Variants in ELFN2 observed in about 807,000 individuals in gnomAD.
ELFN2 encodes the protein extracellular leucine rich repeat and fibronectin type III domain containing 2.
In ELFN2, 17 loss-of-function variants were observed where a neutral mutation model predicts 45.5. The ratio of observed to expected loss-of-function variants is 0.37; its 90% CI spans 0.26 to 0.56. ELFN2 has a LOEUF of 0.56. Among genes scored for constraint, ELFN2 ranks in the 20% least tolerant of loss-of-function variants. The pLI, the probability that ELFN2 is intolerant of heterozygous loss-of-function variation, is 0.77. For missense variants in ELFN2, 922 were observed against 1,183.2 expected, an observed-to-expected ratio of 0.78 and a Z score of 3.24; for synonymous variants, 550 against 551.5, an observed-to-expected ratio of 1.00 and a Z score of 0.04.
downstream of ELFN2, among the ~76,000 whole-genome samples, chr22:37,364,271 G>A (rs1465704131): frequency 2.0e-5 from 3 of 152,204 alleles, no homozygotes; most frequent in South Asian, 4.1e-4. Flanking sequence ...GGGTGGTGGC[G>A]GCAGCAAGGG....
intron 2 of ELFN2, among the ~76,000 whole-genome samples, chr22:37,411,589 G>GA (rs1310957530): frequency 6.8e-3 from 1 of 146 alleles, no homozygotes; most frequent in African/African-American, 0.02. Flanking sequence ...GCGGAGGCAG[G>GA]AAGGGCAACA....
At chr22:37,388,937 G>T (rs1932024201) in intron 2 of ELFN2, among the ~76,000 whole-genome samples, 1 of 152,214 alleles carries the variant, frequency 6.6e-6, no homozygotes, top group South Asian at 2.1e-4. Flanking sequence ...GGCTTCGTGG[G>T]GGGCGTCCCC....
chr22:37,351,155 C>G (rs1019241502), intron 1 of ELFN2, among the ~76,000 whole-genome samples: 1 of 149,756 alleles, frequency 6.7e-6, no homozygotes, highest in East Asian at 1.9e-4. Context: ...CTCCTCCCTC[C>G]TCTCCTCCTT....
intron 1 of ELFN2, chr22:37,353,372 T>G (rs1930870028): frequency 6.6e-6 from 1 of 151,070 alleles, no homozygotes; most frequent in African/African-American, 2.4e-5. Context: ...TTTTTCAGCC[T>G]GTAGCTTATT....
In ELFN2 at chr22:37,375,835, TCCC is replaced by T. The variant is rs1931565207; in HGVS notation, c.-304_-302del. ...AGGGTTCTCAGGGCTTGACTTCCTC[TCCC>T]TCCTCCTCCTCCTCCTCCTCCTCCT... On this transcript the variant is annotated 5_prime_UTR_variant, in exon 3 of 3. Coordinates refer to ENST00000402918, the MANE Select transcript of ELFN2 (RefSeq NM_052906.5). 5.2e-6 allele frequency: 2 copies of T among 385,354 alleles called. No individual in the cohort carries two copies. Among genetic ancestry groups the T allele is most frequent in the Non-Finnish European group, 9.3e-6 (2 of 215,078 alleles). The allele number at this position is 385,354 out of a possible 1,614,324, so 23.9% of individuals were successfully genotyped here.
intron 2 of ELFN2, among the ~76,000 whole-genome samples, chr22:37,416,422 C>T (rs915179192): frequency 2.0e-5 from 3 of 152,174 alleles, no homozygotes; most frequent in Non-Finnish European, 4.4e-5. Flanking sequence ...CCCCAGAGAA[C>T]GGCACTGGGT....
intron 2 of ELFN2, among the ~76,000 whole-genome samples, chr22:37,402,168 T>C (rs1932379755): frequency 1.3e-5 from 2 of 152,224 alleles, no homozygotes; most frequent in African/African-American, 4.8e-5. Flanking sequence ...GTAAAGTGCT[T>C]AGTTGTCTCT....
chr22:37,387,761 A>C (rs575927233), intron 2 of ELFN2, among the ~76,000 whole-genome samples: 1 of 151,740 alleles, frequency 6.6e-6, no homozygotes, highest in African/African-American at 2.4e-5. Context: ...GTCCCTGCTC[A>C]CTGCCTCTCT....
intron 2 of ELFN2, among the ~76,000 whole-genome samples, chr22:37,402,020 TC>T (rs1362443488): frequency 6.6e-6 from 1 of 152,048 alleles, no homozygotes; most frequent in African/African-American, 2.4e-5. Context: ...TGAGCCCTGC[TC>T]CCTCCTCCAC....
intron 1 of ELFN2, among the ~76,000 whole-genome samples, chr22:37,344,291 C>T (rs1930643423): frequency 6.6e-6 from 1 of 151,478 alleles, no homozygotes; most frequent in Non-Finnish European, 1.5e-5. Context: ...AACCCTCCCA[C>T]AGCCCAGTCA....
At chr22:37,349,959 C>T (rs1054521666) in intron 1 of ELFN2, among the ~76,000 whole-genome samples, 1 of 150,992 alleles carries the variant, frequency 6.6e-6, no homozygotes. Context: ...CTGAGGGATG[C>T]TCCCCATGAG....
intron 2 of ELFN2, among the ~76,000 whole-genome samples, chr22:37,408,152 TTATACA>T (rs1307203640): frequency 6.6e-6 from 1 of 152,144 alleles, no homozygotes; most frequent in Non-Finnish European, 1.5e-5. Flanking sequence ...GCCCACACAT[TTATACA>T]TACACAGACA....
intron 1 of ELFN2, among the ~76,000 whole-genome samples, chr22:37,355,473 G>C (rs143877483): frequency 0.011 from 1,632 of 152,326 alleles, 28 homozygotes; most frequent in African/African-American, 0.038. Context: ...CACCTGCCGT[G>C]GTGGCGAGGT....
downstream of ELFN2, among the ~76,000 whole-genome samples, chr22:37,366,238 C>A (rs1931203800): frequency 6.6e-6 from 1 of 152,228 alleles, no homozygotes; most frequent in South Asian, 2.1e-4. Flanking sequence ...GAAACAGAAT[C>A]ACTTCTGAGT....
chr22:37,412,752 C>T (rs910166029), intron 2 of ELFN2, among the ~76,000 whole-genome samples: 1 of 152,218 alleles, frequency 6.6e-6, no homozygotes, highest in Non-Finnish European at 1.5e-5. Context: ...CGGCTGCCAG[C>T]GGGGTGGGTG....
chr22:37,402,523 C>T (rs761066643), intron 2 of ELFN2, among the ~76,000 whole-genome samples: 89 of 152,204 alleles, frequency 5.8e-4, no homozygotes, highest in Non-Finnish European at 1.3e-4. Context: ...TCACTAGAGG[C>T]ATCACTAGGC....
chr22:37,341,443 A>C (rs1930557578), intron 2 of ELFN2, among the ~76,000 whole-genome samples: 1 of 151,724 alleles, frequency 6.6e-6, no homozygotes, highest in South Asian at 2.1e-4. Context: ...CACTGTGCTC[A>C]CCCGCCTGGG....
At chr22:37,410,527 G>A (rs1932621484) in intron 2 of ELFN2, among the ~76,000 whole-genome samples, 1 of 152,126 alleles carries the variant, frequency 6.6e-6, no homozygotes, top group Non-Finnish European at 1.5e-5. Flanking sequence ...ATGGTGCTGA[G>A]GGCAGCGTCC....
chr22:37,410,715 C>CATTCTACCACACGAAGCA (rs1192686271), intron 2 of ELFN2, among the ~76,000 whole-genome samples: 1 of 152,228 alleles, frequency 6.6e-6, no homozygotes, highest in Non-Finnish European at 1.5e-5. Context: ...GCCCTGATCC[C>CATTCTACCACACGAAGCA]ATTCTACCAC....
Sources: gnomAD v4.1 joint callset for allele counts (sites outside exome capture counted in the v4.1 genomes callset) on GRCh38, gnomAD v4.1.1 for gene constraint, MANE v1.5 for transcripts, NCBI Gene and HGNC (gene_info 2026-07-23, HGNC 2026-07-21) for gene names.